The following ADAMTSL3 variants were observed in gnomAD, a reference collection of about 807,000 sequenced individuals.
The protein encoded by ADAMTSL3 is ADAMTS like 3, also known as ADAMTS-like protein 3.
Under a neutral mutation model 201.7 loss-of-function variants are expected in ADAMTSL3, and 128 were observed. The observed-to-expected ratio is 0.63, with a 90% CI of 0.55 to 0.73. The LOEUF is 0.73. Ranked by LOEUF, ADAMTSL3 falls within the 30% of genes least tolerant of loss-of-function variation. The pLI, the probability that ADAMTSL3 is intolerant of heterozygous loss-of-function variation, is 0.00. For synonymous variants in ADAMTSL3, 738 were observed against 748.4 expected (o/e 0.99, Z 0.23); for missense variants, 1,990 against 2,119.6 (o/e 0.94, Z 1.20).
intron 6 of ADAMTSL3, among the ~76,000 whole-genome samples, chr15:83,824,054 T>C (rs547598089): frequency 9.9e-5 from 15 of 151,444 alleles, no homozygotes; most frequent in African/African-American, 2.7e-4. Flanking sequence ...TTTTCTTTTT[T>C]TTTTTAAAGA....
At chr15:83,708,626 A>G (rs1205620416) in intron 3 of ADAMTSL3, among the ~76,000 whole-genome samples, 2 of 152,246 alleles carry the variant, frequency 1.3e-5, no homozygotes, top group Non-Finnish European at 2.9e-5. Context: ...AATCTAACAG[A>G]ACTATTTAAC....
chr15:83,871,365 A>T (rs2065077761), intron 9 of ADAMTSL3, among the ~76,000 whole-genome samples: 1 of 152,154 alleles, frequency 6.6e-6, no homozygotes, highest in Non-Finnish European at 1.5e-5. Flanking sequence ...AGCTGTGTTC[A>T]GTTTTAGATA....
At chr15:83,762,839 A>T (rs1253782643) in intron 3 of ADAMTSL3, among the ~76,000 whole-genome samples, 1 of 151,986 alleles carries the variant, frequency 6.6e-6, no homozygotes, top group Admixed American at 6.6e-5. Context: ...CTATAGCAAT[A>T]CTGTGAAGAA....
chr15:83,674,794 T>TATATA (rs1352312915), intron 2 of ADAMTSL3, among the ~76,000 whole-genome samples: 2 of 141,308 alleles, frequency 1.4e-5, no homozygotes, highest in Non-Finnish European at 1.5e-5. Context: ...TATATAAATC[T>TATATA]TGCTGGAATT....
intron 27 of ADAMTSL3, among the ~76,000 whole-genome samples, chr15:84,030,434 G>A (rs1420323852): frequency 1.3e-5 from 2 of 152,168 alleles, no homozygotes; most frequent in African/African-American, 2.4e-5. Flanking sequence ...AGATTTGACT[G>A]CCCCATTGGA....
At chr15:83,924,902 C>T (rs1054049124) in intron 17 of ADAMTSL3, among the ~76,000 whole-genome samples, 4 of 152,156 alleles carry the variant, frequency 2.6e-5, no homozygotes, top group Non-Finnish European at 5.9e-5. Flanking sequence ...TCGTTTGCCC[C>T]GCTAATGAAA....
chr15:83,799,655 A>T (rs1353625962), intron 4 of ADAMTSL3, among the ~76,000 whole-genome samples: 1 of 152,168 alleles, frequency 6.6e-6, no homozygotes, highest in Admixed American at 6.5e-5. Context: ...ATATATCCTC[A>T]TGTGGAATCA....
At chr15:83,773,460 A>G (rs989511091) in intron 3 of ADAMTSL3, 63 bp from the exon 4 acceptor site, 15 of 1,554,980 alleles carry the variant, frequency 9.6e-6, no homozygotes, top group East Asian at 9.0e-5. Context: ...GGATATTTCT[A>G]CCACATTTGC....
chr15:83,825,146 A>G (rs952016349), intron 6 of ADAMTSL3, among the ~76,000 whole-genome samples: 1 of 152,188 alleles, frequency 6.6e-6, no homozygotes, highest in Non-Finnish European at 1.5e-5. Flanking sequence ...CTTACCATAT[A>G]ATTCTTCCAT....
At chr15:83,723,197 A>AT (rs2062125252) in intron 3 of ADAMTSL3, among the ~76,000 whole-genome samples, 1 of 152,204 alleles carries the variant, frequency 6.6e-6, no homozygotes, top group Non-Finnish European at 1.5e-5. Context: ...ATATGGAAAG[A>AT]TTCAACTTTA....
intron 23 of ADAMTSL3, among the ~76,000 whole-genome samples, chr15:83,993,676 G>A (rs2067625413): frequency 6.6e-6 from 1 of 152,094 alleles, no homozygotes; most frequent in Non-Finnish European, 1.5e-5. Flanking sequence ...TTGAATAACA[G>A]AACCTAAAAG....
At chr15:83,684,636 G>A (rs1288666130) in intron 2 of ADAMTSL3, among the ~76,000 whole-genome samples, 4 of 152,138 alleles carry the variant, frequency 2.6e-5, no homozygotes, top group African/African-American at 9.7e-5. Context: ...TGAGTATTCT[G>A]TAACGTGCTT....
chr15:83,738,608 A>G (rs2062405198), intron 3 of ADAMTSL3, among the ~76,000 whole-genome samples: 1 of 152,194 alleles, frequency 6.6e-6, no homozygotes, highest in African/African-American at 2.4e-5. Context: ...AGAATGAAAT[A>G]AGAGGCCAGG....
Position 83,899,636 on chromosome 15 carries a change from C to A in ADAMTSL3, c.1616-11C>A. The A allele has an allele frequency of 1.2e-6, 2 of 1,608,260 alleles. 1 individual carries two copies. Among genetic ancestry groups the A allele is most frequent in the South Asian group, 2.2e-5 (2 of 90,280 alleles). On this transcript the variant is annotated splice_polypyrimidine_tract_variant and intron_variant, in intron 14 of 29. Transcript: ENST00000286744. ...TAATTAGGCTCATTGTTTATGTTCTCTTTTTCTTAGAAAAAAGTCCAGTGG... is the reference window on the plus strand; with the variant it reads ...TAATTAGGCTCATTGTTTATGTTCTATTTTTCTTAGAAAAAAGTCCAGTGG...
chr15:83,737,480 TTCACTC>T (rs1416066206), intron 3 of ADAMTSL3, among the ~76,000 whole-genome samples: 1 of 152,152 alleles, frequency 6.6e-6, no homozygotes, highest in Non-Finnish European at 1.5e-5. Flanking sequence ...TCCTCCTTTG[TTCACTC>T]TTCTCTCTTG....
At chr15:83,988,406 G>A (rs2067520799) in intron 21 of ADAMTSL3, among the ~76,000 whole-genome samples, 1 of 152,214 alleles carries the variant, frequency 6.6e-6, no homozygotes, top group Non-Finnish European at 1.5e-5. Context: ...TAAGCATTGA[G>A]TTCACCAGAA....
chr15:83,955,678 T>C (rs1361392713), intron 19 of ADAMTSL3, among the ~76,000 whole-genome samples: 1 of 151,994 alleles, frequency 6.6e-6, no homozygotes, highest in Non-Finnish European at 1.5e-5. Context: ...GTGGGTTCCC[T>C]TCTGGCCCAG....
At chr15:83,903,950 A>AGGGAGGGAGGGAGGGAGGGAGGG (rs1567226158) in intron 15 of ADAMTSL3, among the ~76,000 whole-genome samples, 1 of 40,314 alleles carries the variant, frequency 2.5e-5, no homozygotes, top group African/African-American at 1.8e-4. Flanking sequence ...AAAAAGAAAA[A>AGGGAGGGAGGGAGGGAGGGAGGG]AGAAAGAAAG....
intron 20 of ADAMTSL3, among the ~76,000 whole-genome samples, chr15:83,979,460 A>G (rs1006530001): frequency 6.6e-6 from 1 of 152,234 alleles, no homozygotes; most frequent in Admixed American, 6.5e-5. Context: ...AAGTATTCAT[A>G]ACATGCAATC....
Sources: allele counts gnomAD v4.1 joint callset (sites outside exome capture counted in the v4.1 genomes callset), GRCh38; gene constraint gnomAD v4.1.1; transcripts MANE v1.5; gene names NCBI Gene and HGNC (gene_info 2026-07-23, HGNC 2026-07-21).